The following SLC25A48 variants were observed in gnomAD, a reference collection of about 807,000 sequenced individuals.
SLC25A48 encodes the protein solute carrier family 25 member 48, also known as CTC-321K16.1.
In SLC25A48, 29 loss-of-function variants were observed where a neutral mutation model predicts 32.2. That is an observed-to-expected ratio of 0.90 (90% confidence interval 0.67 to 1.23). The LOEUF (loss-of-function observed/expected upper bound fraction) is 1.23. SLC25A48 is among the 50% of genes most tolerant of loss of function. SLC25A48 has a pLI of 0.00. For synonymous variants in SLC25A48, 164 were observed against 172.3 expected, an observed-to-expected ratio of 0.95 and a Z score of 0.38; for missense variants, 399 against 422.7, an observed-to-expected ratio of 0.94 and a Z score of 0.49.
intron 3 of SLC25A48, among the ~76,000 whole-genome samples, chr5:135,688,012 A>G (rs995071234): frequency 3.2e-4 from 3 of 9,262 alleles, no homozygotes; most frequent in Non-Finnish European, 1.1e-3. Flanking sequence ...ATCCATCTTC[A>G]GAACTCATTC....
intron 3 of SLC25A48, among the ~76,000 whole-genome samples, chr5:135,766,361 G>T (rs1323068555): frequency 6.6e-6 from 1 of 151,564 alleles, no homozygotes; most frequent in African/African-American, 2.4e-5. Context: ...TCAAGGGGGG[G>T]GGAAGAATGA....
chr5:135,790,263 G>A (rs116111928), intron 3 of SLC25A48, among the ~76,000 whole-genome samples: 1,895 of 151,730 alleles, frequency 0.012, 34 homozygotes, highest in African/African-American at 0.043. Context: ...GGGGTTTTAC[G>A]TACTATCATA....
At chr5:135,815,087 C>A (rs1245267286) in intron 4 of SLC25A48, among the ~76,000 whole-genome samples, 1 of 152,168 alleles carries the variant, frequency 6.6e-6, no homozygotes, top group African/African-American at 2.4e-5. Context: ...TGAGGGCCTG[C>A]TATGGAGATC....
At chr5:135,710,543 A>G (rs1373821541) in intron 3 of SLC25A48, among the ~76,000 whole-genome samples, 3 of 152,218 alleles carry the variant, frequency 2.0e-5, no homozygotes, top group Non-Finnish European at 4.4e-5. Flanking sequence ...ACTGCTACAT[A>G]ACAAGATCTT....
intron 3 of SLC25A48, among the ~76,000 whole-genome samples, chr5:135,767,724 T>C (rs1417392382): frequency 6.6e-6 from 1 of 151,746 alleles, no homozygotes; most frequent in Non-Finnish European, 1.5e-5. Context: ...TTGTCCATAA[T>C]ATCTAGTGGG....
At chr5:135,683,128 C>A (rs1753938724) in intron 3 of SLC25A48, among the ~76,000 whole-genome samples, 1 of 152,074 alleles carries the variant, frequency 6.6e-6, no homozygotes, top group African/African-American at 2.4e-5. Flanking sequence ...CTCAACCCTC[C>A]ATTGACCTGA....
Position 135,880,116 on chromosome 5 carries a change from T to C in SLC25A48, c.*7+19T>C, listed in dbSNP as rs1762355982. 6.6e-7 allele frequency: 1 copy of C among 1,516,344 alleles called. No individual in the cohort carries two copies. The highest frequency in any genetic ancestry group is 8.8e-7 in the Non-Finnish European group (1 of 1,139,456). 93.9% of individuals were successfully genotyped at this position (1,516,344 alleles called of 1,614,324 possible). On this transcript the variant is annotated intron_variant, in intron 7 of 7. Transcript: ENST00000681962. ...GCGCCAGGTCAGTGTGCTTCCATCC[T>C]GGCCAATTGTGCCTCCCAGGAACTT...
intron 3 of SLC25A48, among the ~76,000 whole-genome samples, chr5:135,788,419 T>C (rs867563027): frequency 8.0e-5 from 12 of 149,912 alleles, no homozygotes; most frequent in Middle Eastern, 7.1e-3. Context: ...TTACTCCCCA[T>C]GTGGCGGCGG....
intron 1 of SLC25A48, among the ~76,000 whole-genome samples, chr5:135,590,593 C>T (rs766880933): frequency 6.6e-6 from 1 of 152,130 alleles, no homozygotes; most frequent in Non-Finnish European, 1.5e-5. Flanking sequence ...TCTCAGAGGG[C>T]TGGGGGCTGA....
At chr5:135,633,477 A>G (rs1376622244) in intron 2 of SLC25A48, among the ~76,000 whole-genome samples, 2 of 152,022 alleles carry the variant, frequency 1.3e-5, no homozygotes, top group Non-Finnish European at 2.9e-5. Context: ...TGCACATGCC[A>G]GGAAAGGCCA....
chr5:135,790,926 G>T (rs1430662009), intron 3 of SLC25A48, among the ~76,000 whole-genome samples: 1 of 151,550 alleles, frequency 6.6e-6, no homozygotes, highest in Non-Finnish European at 1.5e-5. Context: ...TTCGGGGGAT[G>T]TTGCTCCTAA....
At position 135,781,351 on chromosome 5, in the gene SLC25A48, G is replaced by C. The variant is rs1360839517; in HGVS notation, c.-520-31172G>C. Among the ~76,000 whole-genome samples the C allele has an allele frequency of 6.0e-5, 7 of 117,140 alleles. 1 individual carries two copies. The highest frequency in any genetic ancestry group is 1.3e-4 in the Non-Finnish European group (6 of 47,518). The allele number at this position is 117,140 out of a possible 152,430, so 76.8% of individuals were successfully genotyped here. ...GGATGACATTACTCTCCATATCGCGGATGTGTACGCCTCTCTGTGATCTGG... is the reference window on the plus strand; with the variant it reads ...GGATGACATTACTCTCCATATCGCGCATGTGTACGCCTCTCTGTGATCTGG... On this transcript the variant is annotated intron_variant, in intron 3 of 10. Transcript: ENST00000646290.
At chr5:135,741,474 A>G (rs558404121) in intron 3 of SLC25A48, among the ~76,000 whole-genome samples, 2 of 152,336 alleles carry the variant, frequency 1.3e-5, no homozygotes, top group Admixed American at 1.3e-4. Flanking sequence ...GCAGTGGCTC[A>G]TGCCTGTAAT....
rs187256876 is a variant in SLC25A48, at chr5:135,829,196, C to T, written c.-116-13220C>T. 8.5e-5 allele frequency among the ~76,000 whole-genome samples: 13 copies of T among 152,352 alleles called. No homozygotes were observed. The East Asian group carries it at 2.5e-3, about 29-fold the overall frequency. On this transcript the variant is annotated intron_variant, in intron 4 of 10. Coordinates refer to the SLC25A48 transcript ENST00000646290. ...TGTCACTGTCAGCACTCAAACTCCTCTGAGTCCCAGGGAGTTTAGCATATA... is the reference window on the plus strand; with the variant it reads ...TGTCACTGTCAGCACTCAAACTCCTTTGAGTCCCAGGGAGTTTAGCATATA...
chr5:135,725,854 T>A (rs1755076895), intron 3 of SLC25A48, among the ~76,000 whole-genome samples: 1 of 149,178 alleles, frequency 6.7e-6, no homozygotes, highest in Non-Finnish European at 1.5e-5. Flanking sequence ...AATCATGTTA[T>A]GTTTACCTTA....
intron 2 of SLC25A48, among the ~76,000 whole-genome samples, chr5:135,631,731 G>A (rs373436970): frequency 1.4e-3 from 218 of 152,302 alleles, no homozygotes; most frequent in Admixed American, 2.3e-3. Flanking sequence ...TACTCCAGAG[G>A]GGAGAATCTG....
intron 3 of SLC25A48, among the ~76,000 whole-genome samples, chr5:135,698,948 T>C (rs1011703915): frequency 1.6e-4 from 25 of 152,192 alleles, no homozygotes; most frequent in African/African-American, 5.5e-4. Context: ...ATGCTCCAGA[T>C]CATTAGTCAT....
intron 3 of SLC25A48, among the ~76,000 whole-genome samples, chr5:135,668,958 G>A (rs1036498905): frequency 1.3e-5 from 2 of 152,156 alleles, no homozygotes; most frequent in African/African-American, 4.8e-5. Context: ...GCTCAGTGAG[G>A]GAGGCAGGAC....
chr5:135,863,028 A>T (rs1244300722), intron 4 of SLC25A48, among the ~76,000 whole-genome samples: 1 of 152,124 alleles, frequency 6.6e-6, no homozygotes, highest in African/African-American at 2.4e-5. Context: ...GGGTAGATTG[A>T]TTTGAAGGCT....
Sources: gnomAD v4.1 joint callset for allele counts (sites outside exome capture counted in the v4.1 genomes callset) on GRCh38, gnomAD v4.1.1 for gene constraint, MANE v1.5 for transcripts, NCBI Gene and HGNC (gene_info 2026-07-23, HGNC 2026-07-21) for gene names.